Variants in MORN1 observed in about 807,000 individuals in gnomAD.
MORN1 encodes the protein MORN repeat-containing protein 1.
In MORN1, 67 loss-of-function variants were observed where a neutral mutation model predicts 61.9. The ratio of observed to expected loss-of-function variants is 1.08; its 90% CI spans 0.89 to 1.33. The LOEUF (loss-of-function observed/expected upper bound fraction) is 1.33. Among genes scored for constraint, MORN1 ranks in the 40% most tolerant of loss-of-function variants. The pLI, the probability that MORN1 is intolerant of heterozygous loss-of-function variation, is 0.00. For synonymous variants in MORN1, 301 were observed against 292.0 expected, an observed-to-expected ratio of 1.03 and a Z score of -0.31; for missense variants, 752 against 691.2, an observed-to-expected ratio of 1.09 and a Z score of -0.99.
intron 6 of MORN1, chr1:2,379,278 C>A (rs1642318412): frequency 5.0e-6 from 2 of 397,612 alleles, no homozygotes; most frequent in African/African-American, 2.1e-5. Context: ...GAGGTGAAGG[C>A]CAGGAGAGAG....
chr1:2,336,305 C>G (rs1184134300), intron 12 of MORN1, among the ~76,000 whole-genome samples, 164 bp downstream of exon 12: 8 of 152,258 alleles, frequency 5.3e-5, no homozygotes, highest in African/African-American at 1.7e-4. Flanking sequence ...CCCGCGAGAC[C>G]CTGGCTGGCG....
rs546497778 is a variant in MORN1 at position 2,357,218 on chromosome 1, G to C, written c.1036+214C>G. On this transcript the variant is annotated intron_variant, in intron 10 of 13. Transcript: ENST00000378531. This position sits in a 1 kb window ranked among gnomAD's most constrained non-coding sequence, Gnocchi z 6.3. ...AGCCCCTGCCAGGCTCACGGCAGAC[G>C]AACAATCGGCTTGAGCCTCCGCAGC... Among the ~76,000 whole-genome samples the C allele has an allele frequency of 6.6e-6, 1 of 152,172 alleles. No individual in the cohort carries two copies. Among genetic ancestry groups the C allele is most frequent in the African/African-American group, 2.4e-5 (1 of 41,422 alleles).
chr1:2,325,254 C>T (rs994577828), intron 12 of MORN1, among the ~76,000 whole-genome samples: 4 of 122,682 alleles, frequency 3.3e-5, no homozygotes, highest in Non-Finnish European at 5.0e-5. Context: ...CTCTCTCTCT[C>T]CTCTCTCTCT....
At chr1:2,378,545 C>T (rs1041394494) in intron 6 of MORN1, 4 of 222,570 alleles carry the variant, frequency 1.8e-5, no homozygotes, top group South Asian at 1.3e-4. Flanking sequence ...CCACCTGCTC[C>T]GTGCAGTGAG....
At chr1:2,374,136 T>C (rs1642182989) in intron 7 of MORN1, among the ~76,000 whole-genome samples, 1 of 152,086 alleles carries the variant, frequency 6.6e-6, no homozygotes, top group East Asian at 1.9e-4. Flanking sequence ...GGTCCTTCTG[T>C]GAGCCGAGGC....
At chr1:2,379,814 G>A (rs988002090) in intron 6 of MORN1, among the ~76,000 whole-genome samples, 11 of 152,248 alleles carry the variant, frequency 7.2e-5, no homozygotes, top group South Asian at 2.1e-4. Context: ...GGGTGAGGCC[G>A]CTGTGGAGAA....
At chr1:2,324,176 C>A in intron 12 of MORN1, 33 bp from the exon 13 acceptor site, 1 of 1,579,012 alleles carries the variant, frequency 6.3e-7, no homozygotes, top group Admixed American at 1.8e-5. Flanking sequence ...CCCCTGAATG[C>A]CCTGCCTGGG....
intron 13 of MORN1, 193 bp downstream of exon 13, chr1:2,323,904 C>T (rs1161437815): frequency 3.0e-6 from 3 of 984,978 alleles, no homozygotes; most frequent in Non-Finnish European, 3.6e-6. Flanking sequence ...CGTCCCCAGC[C>T]CCCAAGCCAC....
intron 6 of MORN1, among the ~76,000 whole-genome samples, chr1:2,384,326 C>T (rs1266734158): frequency 3.9e-5 from 6 of 152,232 alleles, no homozygotes; most frequent in African/African-American, 1.4e-4. Context: ...CTGAAATTTG[C>T]TCTCTGCACT....
chr1:2,331,544 C>T lies in MORN1; in HGVS notation c.1250+4925G>A, dbSNP rs374317897. Among the ~76,000 whole-genome samples, 229 of 152,262 alleles carry T rather than the reference C, an allele frequency of 1.5e-3. 9 individuals carry two copies. In the South Asian group the frequency reaches 0.044, roughly 29 times the overall value. ...TGGGTGACCAAGCCCTGGAGGGCTT[C>T]GCAGGGTCAGAGCGTGCCTGAGGGG... On this transcript the variant is annotated intron_variant, in intron 12 of 13. Transcript: ENST00000378531.
chr1:2,326,129 G>A (rs1641021542), intron 12 of MORN1: 1 of 152,186 alleles, frequency 6.6e-6, no homozygotes, highest in African/African-American at 2.4e-5. Context: ...AGAGCCAAGG[G>A]CTCCTTGACT....
At chr1:2,353,876 TG>T (rs1337849116) in intron 10 of MORN1, among the ~76,000 whole-genome samples, 1 of 152,238 alleles carries the variant, frequency 6.6e-6, no homozygotes, top group African/African-American at 2.4e-5. Context: ...AAGAAAAGTT[TG>T]TGTCAACTCC....
In MORN1 at chr1:2,355,309, G is replaced by A; in HGVS notation, c.1036+2123C>T. 8 of 1,471,296 alleles carry A rather than the reference G, an allele frequency of 5.4e-6. 1 individual carries two copies. In the South Asian group the frequency reaches 1.1e-4, roughly 20 times the overall value. 91.1% of individuals were successfully genotyped at this position (1,471,296 alleles called of 1,614,324 possible). On this transcript the variant is annotated intron_variant, in intron 10 of 13. Coordinates refer to ENST00000378531, the MANE Select transcript of MORN1 (RefSeq NM_024848.3). Reference sequence around the variant, plus strand: ...CCGTGGGCCTGTTGGCCTGAGGCTTGGCCGCCTTGGCCTCCCGTGGAGTGG... The same window carrying A: ...CCGTGGGCCTGTTGGCCTGAGGCTTAGCCGCCTTGGCCTCCCGTGGAGTGG...
At chr1:2,375,542 A>C (rs1642214642) in intron 6 of MORN1, 1 of 152,422 alleles carries the variant, frequency 6.6e-6, no homozygotes, top group Non-Finnish European at 1.5e-5. Context: ...GGATTGCCCC[A>C]AAGGCCAGGG....
chr1:2,377,382 C>T (rs1400064335), intron 6 of MORN1: 2 of 152,396 alleles, frequency 1.3e-5, no homozygotes, highest in African/African-American at 4.8e-5. Flanking sequence ...CCTCCCTTCC[C>T]TGCCCAGCCG....
In MORN1 at chr1:2,372,412, A is replaced by C. The variant is rs1041206904; in HGVS notation, c.745+69T>G. On this transcript the variant is annotated intron_variant, in intron 8 of 13. Transcript: ENST00000378531. The surrounding 1 kb of genome is among the most constrained non-coding windows in gnomAD (Gnocchi z 5.4). ...CATGCAACATCTCGTCCGCATCTTCACTGCTTAAGAACCTGCTGCCTGTTT... is the reference window on the plus strand; with the variant it reads ...CATGCAACATCTCGTCCGCATCTTCCCTGCTTAAGAACCTGCTGCCTGTTT... The C allele has an allele frequency of 4.8e-6, 6 of 1,244,372 alleles. No homozygotes were observed. The highest frequency in any genetic ancestry group is 6.8e-6 in the Non-Finnish European group (6 of 877,914). The allele number at this position is 1,244,372 out of a possible 1,614,324, so 77.1% of individuals were successfully genotyped here. A position where few individuals can be genotyped will look rare whatever the true frequency, so the allele number is the denominator to read the frequency against.
At chr1:2,352,370 G>T (rs924906672) in intron 10 of MORN1, 12 of 157,274 alleles carry the variant, frequency 7.6e-5, no homozygotes, top group African/African-American at 2.9e-4. Flanking sequence ...GCTGGGGAGG[G>T]AGATCACCTC....
intron 12 of MORN1, among the ~76,000 whole-genome samples, chr1:2,335,834 A>AGCCCAGCCCG (rs1553208757): frequency 4.2e-5 from 6 of 143,018 alleles, no homozygotes; most frequent in African/African-American, 1.8e-4. Flanking sequence ...TCCATAGCCC[A>AGCCCAGCCCG]GCCCAGCCCA....
intron 12 of MORN1, among the ~76,000 whole-genome samples, chr1:2,325,761 A>G (rs1641014104): frequency 6.7e-6 from 1 of 149,960 alleles, no homozygotes; most frequent in Non-Finnish European, 1.5e-5. Context: ...AGCTAAGATT[A>G]CAGGCACGTG....
Sources: allele counts gnomAD v4.1 joint callset (sites outside exome capture counted in the v4.1 genomes callset), GRCh38; gene constraint gnomAD v4.1.1; non-coding constraint Gnocchi (gnomAD v3.1); transcripts MANE v1.5; gene names NCBI Gene and HGNC (gene_info 2026-07-23, HGNC 2026-07-21).